PTPRZ1: variants seen among roughly 807,000 people sequenced by gnomAD.
PTPRZ1 encodes the protein protein tyrosine phosphatase receptor type Z1.
In PTPRZ1, 82 loss-of-function variants were observed where a neutral mutation model predicts 214.1. The observed-to-expected ratio is 0.38, with a 90% CI of 0.32 to 0.46. PTPRZ1 has a LOEUF of 0.46. Among genes scored for constraint, PTPRZ1 ranks in the 20% least tolerant of loss-of-function variants. PTPRZ1 has a pLI of 1.00. For missense variants in PTPRZ1, 2,603 were observed against 2,748.7 expected (o/e 0.95, Z 1.19); for synonymous variants, 945 against 987.9 (o/e 0.96, Z 0.81).
intron 6 of PTPRZ1, among the ~76,000 whole-genome samples, chr7:121,978,403 G>A (rs1311360952): frequency 6.6e-6 from 1 of 152,202 alleles, no homozygotes; most frequent in African/African-American, 2.4e-5. Flanking sequence ...TCACAGTTCT[G>A]CATAGGTGGA....
intron 1 of PTPRZ1, among the ~76,000 whole-genome samples, chr7:121,912,014 A>T (rs1018516017): frequency 6.6e-6 from 1 of 152,144 alleles, no homozygotes; most frequent in Admixed American, 6.6e-5. Flanking sequence ...TATATTTGAA[A>T]TAAAAAATTA....
chr7:121,971,063 G>A (rs1284995162), intron 3 of PTPRZ1, among the ~76,000 whole-genome samples: 3 of 151,934 alleles, frequency 2.0e-5, no homozygotes, highest in Admixed American at 6.6e-5. Flanking sequence ...ATAGGGAATC[G>A]TTTCCCCATT....
At chr7:121,926,135 T>G (rs1244874667) in intron 1 of PTPRZ1, among the ~76,000 whole-genome samples, 1 of 152,056 alleles carries the variant, frequency 6.6e-6, no homozygotes, top group Non-Finnish European at 1.5e-5. Context: ...AAACCCCGTC[T>G]CTACTAAAAA....
intron 2 of PTPRZ1, among the ~76,000 whole-genome samples, chr7:121,946,915 A>G (rs981427697): frequency 1.3e-5 from 2 of 152,138 alleles, no homozygotes; most frequent in Admixed American, 6.6e-5. Context: ...CTTCAAAAGG[A>G]TTGAGATTAC....
At position 122,013,175 on chromosome 7, in the gene PTPRZ1, A is replaced by G. The variant is rs1798733095; in HGVS notation, c.4129A>G (p.Thr1377Ala). 2.5e-6 allele frequency: 4 copies of G among 1,614,108 alleles called. No individual in the cohort carries two copies. The East Asian group carries it at 8.9e-5, about 36-fold the overall frequency. Residue 1377 changes from threonine (T) to alanine (A), a missense_variant, in exon 12 of 30, where the codon ACA becomes GCA. Physicochemically the swap from Thr to Ala is moderately conservative, Grantham distance 58. This residue lies in a region of PTPRZ1 where 1,913 missense variants were observed against 1,914.3 expected (regional missense o/e 1.00). Transcript: ENST00000393386. ...TATAGGAAATGGGCATGTTGCCATT[A>G]CAGCTGTTTCTCCCCACAGAGATGG... ...VPIGNGHVAI[T>A]AVSPHRDGSV...
In PTPRZ1 at chr7:122,036,653, A is replaced by G; in HGVS notation, c.5338A>G (p.Thr1780Ala). The G allele has an allele frequency of 6.2e-7, 1 of 1,608,090 alleles. No homozygotes were observed. Among genetic ancestry groups the G allele is most frequent in the East Asian group, 2.2e-5 (1 of 44,778 alleles). ...GCTTGCTGAAAAGGATGGCAAACTG[A>G]CTGATTATATCAATGCCAATTATGT... ...AQLAEKDGKL[T>A]DYINANYVDG... The change falls in exon 18 of 30, where the codon ACT (threonine) becomes GCT (alanine). Residue 1780 changes from threonine (T) to alanine (A), a missense_variant. By Grantham distance (58) the Thr-to-Ala change is moderately conservative (BLOSUM62 0). This residue lies in a region of PTPRZ1 where 1,913 missense variants were observed against 1,914.3 expected (regional missense o/e 1.00). Transcript: ENST00000393386.
intron 2 of PTPRZ1, among the ~76,000 whole-genome samples, chr7:121,966,235 A>G (rs1797044202): frequency 6.6e-6 from 1 of 152,218 alleles, no homozygotes; most frequent in African/African-American, 2.4e-5. Flanking sequence ...AGAGAGAATC[A>G]CAAAATGCGA....
chr7:121,907,808 T>A (rs1795161569), intron 1 of PTPRZ1, among the ~76,000 whole-genome samples: 1 of 152,048 alleles, frequency 6.6e-6, no homozygotes, highest in Non-Finnish European at 1.5e-5. Context: ...CAAACACCTT[T>A]CTTTTTCAAA....
At chr7:121,900,871 G>A (rs1584617975) in intron 1 of PTPRZ1, among the ~76,000 whole-genome samples, 2 of 152,130 alleles carry the variant, frequency 1.3e-5, no homozygotes, top group East Asian at 1.9e-4. Context: ...ACTGTTTCTT[G>A]TACATGAACG....
intron 1 of PTPRZ1, among the ~76,000 whole-genome samples, chr7:121,900,851 T>C (rs1333689819): frequency 6.6e-6 from 1 of 152,182 alleles, no homozygotes; most frequent in Admixed American, 6.6e-5. Context: ...TAATAATAAG[T>C]ATGATGACCA....
intron 2 of PTPRZ1, among the ~76,000 whole-genome samples, chr7:121,964,556 G>A (rs555210200): frequency 6.6e-6 from 1 of 152,190 alleles, no homozygotes; most frequent in African/African-American, 2.4e-5. Flanking sequence ...GATGAGATTT[G>A]GGTGGGGACA....
At position 122,039,484 on chromosome 7, in the gene PTPRZ1, G is replaced by A; in HGVS notation, c.5533G>A (p.Gly1845Arg). 1 of 1,614,036 alleles carries A rather than the reference G, an allele frequency of 6.2e-7. No individual in the cohort carries two copies. Among genetic ancestry groups the A allele is most frequent in the Non-Finnish European group, 8.5e-7 (1 of 1,179,972 alleles). Reference sequence around the variant, plus strand: ...ATGTGATCAGTACTGGCCTGCCGATGGGAGTGAGGAGTACGGGAACTTTCT... The same window carrying A: ...ATGTGATCAGTACTGGCCTGCCGATAGGAGTGAGGAGTACGGGAACTTTCT... ...RKCDQYWPAD[G>R]SEEYGNFLVT... The change falls in exon 20 of 30, where the codon GGG (glycine) becomes AGG (arginine). Residue 1845 changes from glycine (G) to arginine (R), a missense_variant. Physicochemically the swap from Gly to Arg is moderately radical, Grantham distance 125. Coordinates refer to ENST00000393386, the MANE Select transcript of PTPRZ1 (RefSeq NM_002851.3).
At chr7:121,960,705 T>G (rs1429947947) in intron 2 of PTPRZ1, among the ~76,000 whole-genome samples, 1 of 151,938 alleles carries the variant, frequency 6.6e-6, no homozygotes, top group Non-Finnish European at 1.5e-5. Context: ...ATCTGCATAA[T>G]TTAATCATTT....
intron 27 of PTPRZ1, among the ~76,000 whole-genome samples, chr7:122,055,830 C>A (rs967025857): frequency 6.6e-6 from 1 of 151,684 alleles, no homozygotes; most frequent in Admixed American, 6.6e-5. Context: ...AATCATGTTC[C>A]AAATAATTTG....
intron 1 of PTPRZ1, among the ~76,000 whole-genome samples, chr7:121,878,546 G>C (rs1166725490): frequency 1.3e-5 from 2 of 152,208 alleles, no homozygotes; most frequent in Admixed American, 1.3e-4. Flanking sequence ...TAGGTGAAAA[G>C]AGTTCAGTGG....
intron 13 of PTPRZ1, among the ~76,000 whole-genome samples, chr7:122,023,551 A>G (rs1032813855): frequency 4.5e-5 from 6 of 133,992 alleles, no homozygotes; most frequent in African/African-American, 1.7e-4. Flanking sequence ...ATATATAATT[A>G]TATATATTAT....
At position 122,044,406 on chromosome 7, in the gene PTPRZ1, G is replaced by T. The variant is rs1269396284; in HGVS notation, c.5938-16G>T. The stretch of plus-strand genomic sequence containing the variant: ...AAAACTTGAACTAATGTTGCTTATT[G>T]TCATTGTTTTGCCAGGAGCAATATG... On this transcript the variant is annotated splice_polypyrimidine_tract_variant and intron_variant, in intron 22 of 29. Transcript: ENST00000393386. 3 of 1,613,248 alleles carry T rather than the reference G, an allele frequency of 1.9e-6. No individual in the cohort carries two copies. Among genetic ancestry groups the T allele is most frequent in the East Asian group, 2.2e-5 (1 of 44,846 alleles).
chr7:122,001,464 C>A (rs1247907477), intron 10 of PTPRZ1, among the ~76,000 whole-genome samples: 3 of 152,102 alleles, frequency 2.0e-5, no homozygotes, highest in African/African-American at 7.2e-5. Context: ...TGAATTAAAT[C>A]CACAGTTTTC....
At chr7:121,947,398 T>C (rs1464519885) in intron 2 of PTPRZ1, among the ~76,000 whole-genome samples, 3 of 152,240 alleles carry the variant, frequency 2.0e-5, no homozygotes, top group Middle Eastern at 3.4e-3. Flanking sequence ...TGACGATGCA[T>C]GAAAATTTTA....
Sources: allele counts gnomAD v4.1 joint callset (sites outside exome capture counted in the v4.1 genomes callset), GRCh38; gene constraint gnomAD v4.1.1; regional missense constraint gnomAD v4.1.1; transcripts MANE v1.5; gene names NCBI Gene and HGNC (gene_info 2026-07-23, HGNC 2026-07-21).